The following PLEKHG1 variants were observed in gnomAD, a reference collection of about 807,000 sequenced individuals.
PLEKHG1 encodes pleckstrin homology domain-containing family G member 1.
Under a neutral mutation model 100.8 loss-of-function variants are expected in PLEKHG1, and 44 were observed. The ratio of observed to expected loss-of-function variants is 0.44; its 90% CI spans 0.34 to 0.56. The LOEUF (loss-of-function observed/expected upper bound fraction) is 0.56, where lower values mean the gene tolerates loss of function less well. PLEKHG1 is among the 20% of genes least tolerant of loss of function. The pLI is 0.01. For missense variants in PLEKHG1, 1,545 were observed against 1,720.9 expected (o/e 0.90, Z 1.81); for synonymous variants, 640 against 662.5 (o/e 0.97, Z 0.52).
chr6:150,735,343 C>T (rs1298564156), intron 2 of PLEKHG1, among the ~76,000 whole-genome samples: 1 of 152,110 alleles, frequency 6.6e-6, no homozygotes, highest in Non-Finnish European at 1.5e-5. Flanking sequence ...ACTAATACAC[C>T]AGATTCTTTC....
At chr6:150,800,236 G>A (rs770340525) in intron 5 of PLEKHG1, among the ~76,000 whole-genome samples, 6 of 152,170 alleles carry the variant, frequency 3.9e-5, no homozygotes, top group African/African-American at 7.2e-5. Flanking sequence ...AAAGGGGCCA[G>A]CAGAGGGGGT....
intron 2 of PLEKHG1, among the ~76,000 whole-genome samples, chr6:150,650,475 CA>C (rs1482991614): frequency 2.0e-5 from 3 of 152,190 alleles, no homozygotes; most frequent in Non-Finnish European, 4.4e-5. Context: ...GATAGGACTT[CA>C]GTAACTTTCT....
At chr6:150,655,583 C>T (rs1778931357) in intron 3 of PLEKHG1, among the ~76,000 whole-genome samples, 1 of 151,830 alleles carries the variant, frequency 6.6e-6, no homozygotes, top group African/African-American at 2.4e-5. Context: ...TGGCGGGCGC[C>T]TGTAGTCTCA....
intron 2 of PLEKHG1, among the ~76,000 whole-genome samples, chr6:150,756,526 A>G (rs1783848174): frequency 6.6e-6 from 1 of 152,170 alleles, no homozygotes. Context: ...CAAACCGCCC[A>G]TAAAGAGGTC....
At chr6:150,660,478 T>A (rs1341493301) in intron 3 of PLEKHG1, among the ~76,000 whole-genome samples, 2 of 152,202 alleles carry the variant, frequency 1.3e-5, no homozygotes, top group Admixed American at 6.5e-5. Context: ...AGATAAATAA[T>A]TCTTCTCTCC....
At chr6:150,819,078 C>G (rs977144002) in intron 11 of PLEKHG1, among the ~76,000 whole-genome samples, 1 of 151,684 alleles carries the variant, frequency 6.6e-6, no homozygotes, top group Non-Finnish European at 1.5e-5. Flanking sequence ...GCTGTATTCT[C>G]TAGACATCAA....
chr6:150,804,156 T>TTTATATATATA (rs1786880825), intron 6 of PLEKHG1, among the ~76,000 whole-genome samples: 1 of 26,658 alleles, frequency 3.8e-5, no homozygotes, highest in Non-Finnish European at 9.7e-5. Context: ...GTAAATATTT[T>TTTATATATATA]ATATATATAT....
At chr6:150,771,228 C>CA (rs1296177528) in intron 3 of PLEKHG1, among the ~76,000 whole-genome samples, 1 of 152,118 alleles carries the variant, frequency 6.6e-6, no homozygotes, top group Non-Finnish European at 1.5e-5. Context: ...GCCTGGCCAG[C>CA]ATGGCAAGAC....
intron 3 of PLEKHG1, among the ~76,000 whole-genome samples, chr6:150,707,037 T>A (rs1266022740): frequency 1.4e-5 from 2 of 139,746 alleles, no homozygotes; most frequent in African/African-American, 5.2e-5. Flanking sequence ...GGAGTCTTGC[T>A]CTGTCACCCA....
intron 3 of PLEKHG1, among the ~76,000 whole-genome samples, chr6:150,680,424 T>G (rs9480528): frequency 0.18 from 28,034 of 152,196 alleles, 2,651 homozygotes; most frequent in South Asian, 0.26. Flanking sequence ...TTCATTTTGG[T>G]TATATTACAT....
intron 3 of PLEKHG1, among the ~76,000 whole-genome samples, chr6:150,706,998 CTTTTTTT>C (rs71014517): frequency 9.6e-5 from 5 of 51,928 alleles, no homozygotes; most frequent in South Asian, 1.2e-3. Flanking sequence ...TTTTCTTTTT[CTTTTTTT>C]TTTTTTTTTT....
At chr6:150,821,317 A>C in intron 13 of PLEKHG1, 84 bp downstream of exon 14, 2 of 863,708 alleles carry the variant, frequency 2.3e-6, no homozygotes, top group East Asian at 2.5e-5. Flanking sequence ...AATACCAGAT[A>C]AATTACATAT....
intron 3 of PLEKHG1, among the ~76,000 whole-genome samples, chr6:150,713,772 A>G (rs1362539978): frequency 6.6e-6 from 1 of 152,142 alleles, no homozygotes; most frequent in Non-Finnish European, 1.5e-5. Flanking sequence ...GGCAGTTGGC[A>G]AGGTGGAGCT....
At chr6:150,786,770 C>G (rs1283905185) in intron 4 of PLEKHG1, among the ~76,000 whole-genome samples, 1 of 152,004 alleles carries the variant, frequency 6.6e-6, no homozygotes, top group African/African-American at 2.4e-5. Flanking sequence ...TGGCTCACAC[C>G]TATAATCCCA....
chr6:150,620,770 C>T (rs771499120), intron 1 of PLEKHG1, among the ~76,000 whole-genome samples: 5 of 152,144 alleles, frequency 3.3e-5, no homozygotes, highest in African/African-American at 7.2e-5. Context: ...GGAGACAGAA[C>T]GGAGGCTCTG....
chr6:150,604,524 AGTTT>A (rs1776502416), intron 1 of PLEKHG1, among the ~76,000 whole-genome samples: 1 of 152,198 alleles, frequency 6.6e-6, no homozygotes, highest in East Asian at 1.9e-4. Context: ...CTGCAGCTAT[AGTTT>A]GCTGGCTCTG....
rs1191848222 is a variant in PLEKHG1 at position 150,701,319 on chromosome 6, CA to C, written c.-98-32250del. ...TGGGTAACAGAGTGAGACTCTATCT[CA>C]AAAAAAAAAAAAAATGTATTGATAG... On this transcript the variant is annotated intron_variant, in intron 3 of 3. Coordinates refer to the PLEKHG1 transcript ENST00000367326. Among the ~76,000 whole-genome samples, 767 of 104,414 alleles carry C rather than the reference CA, an allele frequency of 7.3e-3. 5 individuals carry two copies. Among genetic ancestry groups the C allele is most frequent in the African/African-American group, 0.019 (566 of 29,332 alleles). The allele number at this position is 104,414 out of a possible 152,430, so 68.5% of individuals were successfully genotyped here. A position where few individuals can be genotyped will look rare whatever the true frequency, so the allele number is the denominator to read the frequency against.
At chr6:150,748,775 A>C (rs965356092) in intron 2 of PLEKHG1, among the ~76,000 whole-genome samples, 2 of 151,250 alleles carry the variant, frequency 1.3e-5, no homozygotes, top group African/African-American at 2.4e-5. Flanking sequence ...ACGCACCCCC[A>C]CCATGCCCGG....
intron 1 of PLEKHG1, among the ~76,000 whole-genome samples, chr6:150,606,470 C>T (rs1439508002): frequency 1.3e-5 from 2 of 152,200 alleles, no homozygotes; most frequent in Non-Finnish European, 1.5e-5. Flanking sequence ...CCCTTCCCAG[C>T]TCTGGCAAGC....
Sources: allele counts gnomAD v4.1 joint callset (sites outside exome capture counted in the v4.1 genomes callset), GRCh38; gene constraint gnomAD v4.1.1; transcripts MANE v1.5; gene names NCBI Gene and HGNC (gene_info 2026-07-23, HGNC 2026-07-21).